Variants in DPP10 observed in about 807,000 individuals in gnomAD.
DPP10 encodes the protein dipeptidyl peptidase like 10.
In DPP10, 33 loss-of-function variants were observed where a neutral mutation model predicts 120.9. That is an observed-to-expected ratio of 0.27 (90% CI 0.21 to 0.37). The LOEUF is 0.37. DPP10 is among the 10% of genes least tolerant of loss of function. The pLI, the probability that DPP10 is intolerant of heterozygous loss-of-function variation, is 1.00. For missense variants in DPP10, 816 were observed against 942.8 expected, an observed-to-expected ratio of 0.87 and a Z score of 1.76; for synonymous variants, 337 against 326.1, an observed-to-expected ratio of 1.03 and a Z score of -0.36.
chr2:115,825,280 T>A lies in DPP10; in HGVS notation c.1950+9551T>A, dbSNP rs188778259. Reference sequence around the variant, plus strand: ...GCCTACATATTGCTTTAGAATTCTATCTCTTATTAAGCCCTATTCAGGTGT... The same window carrying A: ...GCCTACATATTGCTTTAGAATTCTAACTCTTATTAAGCCCTATTCAGGTGT... On this transcript the variant is annotated intron_variant, in intron 21 of 25. Transcript: ENST00000410059. 2.1e-3 allele frequency among the ~76,000 whole-genome samples: 313 copies of A among 152,288 alleles called. 2 individuals are homozygous for A. Among genetic ancestry groups the A allele is most frequent in the Admixed American group, 3.7e-3 (56 of 15,300 alleles).
At chr2:114,854,758 G>A (rs1689241934) in intron 1 of DPP10, among the ~76,000 whole-genome samples, 1 of 152,036 alleles carries the variant, frequency 6.6e-6, no homozygotes, top group Non-Finnish European at 1.5e-5. Flanking sequence ...TAACCCATGG[G>A]GCATCAGTGG....
At chr2:114,825,328 T>A (rs1686434574) in intron 1 of DPP10, among the ~76,000 whole-genome samples, 1 of 152,226 alleles carries the variant, frequency 6.6e-6, no homozygotes, top group Non-Finnish European at 1.5e-5. Context: ...ATATAAAAGT[T>A]GAAAGAGGCA....
At chr2:115,521,335 G>A (rs1457761640) in intron 4 of DPP10, among the ~76,000 whole-genome samples, 1 of 152,112 alleles carries the variant, frequency 6.6e-6, no homozygotes, top group Non-Finnish European at 1.5e-5. Flanking sequence ...CTGTATAAAT[G>A]ATAAAAGATG....
chr2:115,635,105 C>T (rs571681560), intron 5 of DPP10, among the ~76,000 whole-genome samples: 15 of 152,148 alleles, frequency 9.9e-5, no homozygotes, highest in Admixed American at 2.6e-4. Flanking sequence ...GCAGTGATGG[C>T]GGCCACCCCT....
intron 1 of DPP10, among the ~76,000 whole-genome samples, chr2:115,188,595 T>A (rs2054639222): frequency 6.6e-6 from 1 of 152,196 alleles, no homozygotes; most frequent in Non-Finnish European, 1.5e-5. Flanking sequence ...AAGATCCTTA[T>A]ACTTGCTTAT....
intron 1 of DPP10, among the ~76,000 whole-genome samples, chr2:115,035,522 C>T (rs957150763): frequency 6.6e-6 from 1 of 152,204 alleles, no homozygotes; most frequent in East Asian, 1.9e-4. Context: ...ATTTGACACA[C>T]AACAAATTCC....
At chr2:115,414,175 C>T (rs2104607276) in intron 3 of DPP10, among the ~76,000 whole-genome samples, 2 of 152,088 alleles carry the variant, frequency 1.3e-5, no homozygotes, top group Non-Finnish European at 2.9e-5. Flanking sequence ...GATTAGATTT[C>T]AGAATCTTAT....
chr2:114,793,303 C>G (rs1343278150), intron 1 of DPP10, among the ~76,000 whole-genome samples: 5 of 152,026 alleles, frequency 3.3e-5, no homozygotes, highest in Non-Finnish European at 7.4e-5. Flanking sequence ...CTCTAGTCCC[C>G]CACCCCCAGA....
At chr2:115,066,396 A>T (rs1207984087) in intron 1 of DPP10, among the ~76,000 whole-genome samples, 3 of 152,070 alleles carry the variant, frequency 2.0e-5, no homozygotes, top group Admixed American at 2.0e-4. Flanking sequence ...ATGAGAAAAA[A>T]TAAAAATATG....
chr2:114,957,808 C>T (rs949340126), intron 1 of DPP10, among the ~76,000 whole-genome samples: 2 of 152,172 alleles, frequency 1.3e-5, no homozygotes, highest in African/African-American at 4.8e-5. Flanking sequence ...TGCATCAATG[C>T]AGATGAACCT....
chr2:114,575,759 A>G (rs1290733767), intron 1 of DPP10, among the ~76,000 whole-genome samples: 4 of 152,140 alleles, frequency 2.6e-5, no homozygotes, highest in Non-Finnish European at 4.4e-5. Flanking sequence ...TGGAAAACTC[A>G]TGATTTTCTC....
chr2:115,429,215 T>A (rs899922190), intron 3 of DPP10, among the ~76,000 whole-genome samples: 1 of 122,910 alleles, frequency 8.1e-6, no homozygotes, highest in East Asian at 2.2e-4. Flanking sequence ...CTTTTCTTAC[T>A]AGTTTTAAAA....
At chr2:115,537,440 T>A (rs2078918234) in intron 5 of DPP10, among the ~76,000 whole-genome samples, 2 of 151,990 alleles carry the variant, frequency 1.3e-5, no homozygotes, top group Admixed American at 6.6e-5. Flanking sequence ...AGGTTGAATG[T>A]GAGTTAAGCA....
At chr2:115,829,782 G>T (rs1340838376) in intron 21 of DPP10, among the ~76,000 whole-genome samples, 1 of 151,646 alleles carries the variant, frequency 6.6e-6, no homozygotes, top group Non-Finnish European at 1.5e-5. Flanking sequence ...ATTGTAAATT[G>T]TGTCATTTTC....
At chr2:115,813,046 A>G (rs528562001) in intron 19 of DPP10, among the ~76,000 whole-genome samples, 279 of 131,888 alleles carry the variant, frequency 2.1e-3, no homozygotes, top group Middle Eastern at 5.3e-3. Flanking sequence ...CAGTGGCGCA[A>G]TCTCGGCTCA....
At chr2:115,160,278 C>T (rs2052212297) in intron 1 of DPP10, among the ~76,000 whole-genome samples, 2 of 152,176 alleles carry the variant, frequency 1.3e-5, no homozygotes, top group Non-Finnish European at 2.9e-5. Flanking sequence ...ACAAGATCTC[C>T]ACTCACCTCT....
intron 2 of DPP10, among the ~76,000 whole-genome samples, chr2:115,339,824 A>G (rs1411530114): frequency 2.0e-5 from 3 of 152,194 alleles, no homozygotes; most frequent in East Asian, 3.9e-4. Flanking sequence ...ACTGTTAATG[A>G]AAGAGTGGCA....
intron 11 of DPP10, among the ~76,000 whole-genome samples, chr2:115,758,755 G>A (rs2149778537): frequency 6.6e-6 from 1 of 152,146 alleles, no homozygotes; most frequent in East Asian, 1.9e-4. Flanking sequence ...ACCACAAATA[G>A]GTCAACTAAA....
At chr2:115,459,623 C>G (rs1574911634) in intron 3 of DPP10, among the ~76,000 whole-genome samples, 4 of 152,084 alleles carry the variant, frequency 2.6e-5, no homozygotes, top group Admixed American at 2.6e-4. Flanking sequence ...CACCAGCTCT[C>G]TCCTTAACTG....
Sources: allele counts gnomAD v4.1 joint callset (sites outside exome capture counted in the v4.1 genomes callset), GRCh38; gene constraint gnomAD v4.1.1; transcripts MANE v1.5; gene names NCBI Gene and HGNC (gene_info 2026-07-23, HGNC 2026-07-21).